Variants in SLC14A2 observed in about 807,000 individuals in gnomAD.
SLC14A2 encodes solute carrier family 14 member 2.
A neutral mutation model predicts 104.6 loss-of-function variants in SLC14A2; 91 were observed. The observed-to-expected ratio is 0.87, with a 90% CI of 0.73 to 1.04. The LOEUF (loss-of-function observed/expected upper bound fraction) is 1.04. Ranked by LOEUF, SLC14A2 falls within the 50% of genes least tolerant of loss-of-function variation. The probability of loss-of-function intolerance (pLI) is 0.00; values close to 1 mark genes in which losing one functional copy is unlikely to be tolerated. For synonymous variants in SLC14A2, 476 were observed against 466.4 expected, an observed-to-expected ratio of 1.02 and a Z score of -0.27; for missense variants, 1,189 against 1,156.0, an observed-to-expected ratio of 1.03 and a Z score of -0.41.
chr18:45,496,366 G>A (rs1167687325), intron 2 of SLC14A2, among the ~76,000 whole-genome samples: 1 of 152,220 alleles, frequency 6.6e-6, no homozygotes, highest in Non-Finnish European at 1.5e-5. Context: ...TGTTGCCAGA[G>A]GAGATTGACA....
chr18:45,256,070 A>G (rs1334547769), intron 1 of SLC14A2, among the ~76,000 whole-genome samples: 1 of 152,188 alleles, frequency 6.6e-6, no homozygotes, highest in African/African-American at 2.4e-5. Flanking sequence ...TATGGGACTC[A>G]GCGTTCTGGA....
At chr18:45,598,208 G>A (rs1326185863) in intron 2 of SLC14A2, among the ~76,000 whole-genome samples, 1 of 152,160 alleles carries the variant, frequency 6.6e-6, no homozygotes, top group Non-Finnish European at 1.5e-5. Flanking sequence ...GCGTGTCTGT[G>A]CCCACGTAGG....
chr18:45,175,569 T>C, the SLC14A2 span, among the ~76,000 whole-genome samples: 1 of 152,132 alleles, frequency 6.6e-6, no homozygotes, highest in South Asian at 2.1e-4. Context: ...TGGATCATGT[T>C]CCATGGAAAA....
intron 1 of SLC14A2, among the ~76,000 whole-genome samples, chr18:45,328,773 A>G (rs754618767): frequency 3.9e-5 from 6 of 152,212 alleles, no homozygotes; most frequent in Non-Finnish European, 7.3e-5. Flanking sequence ...GGTTTTTATG[A>G]AAAGCAAAGG....
chr18:45,571,867 ATAGGG>A (rs1418208436), intron 2 of SLC14A2, among the ~76,000 whole-genome samples: 1 of 152,168 alleles, frequency 6.6e-6, no homozygotes, highest in Non-Finnish European at 1.5e-5. Context: ...GGGTTGATTG[ATAGGG>A]TTGGTTGAAC....
At chr18:45,427,124 C>T (rs1240446764) in intron 1 of SLC14A2, among the ~76,000 whole-genome samples, 1 of 152,188 alleles carries the variant, frequency 6.6e-6, no homozygotes, top group Non-Finnish European at 1.5e-5. Context: ...ATGGACACCT[C>T]ACCCCCTTTC....
At chr18:45,263,943 T>G (rs1489721178) in intron 1 of SLC14A2, among the ~76,000 whole-genome samples, 1 of 152,196 alleles carries the variant, frequency 6.6e-6, no homozygotes, top group Non-Finnish European at 1.5e-5. Context: ...GATCTGGGCA[T>G]TAGGTATACC....
chr18:45,278,114 T>G (rs1176237954), intron 1 of SLC14A2, among the ~76,000 whole-genome samples: 1 of 152,198 alleles, frequency 6.6e-6, no homozygotes, highest in Non-Finnish European at 1.5e-5. Context: ...CATATGGTAT[T>G]GACAAAGAGC....
At position 45,317,701 on chromosome 18, in the gene SLC14A2, T is replaced by C. The variant is rs147188055; in HGVS notation, c.-125+104510T>C. Among the ~76,000 whole-genome samples the C allele has an allele frequency of 4.5e-3, 689 of 152,318 alleles. 6 individuals carry two copies. Among genetic ancestry groups the C allele is most frequent in the African/African-American group, 0.016 (671 of 41,576 alleles). ...CCTCTAGCCCAGGCAGCCAGCTGTG[T>C]TCCCCAGCTTTTGCCATCCTTTTTG... On this transcript the variant is annotated intron_variant, in intron 1 of 20. Transcript: ENST00000586448.
intron 2 of SLC14A2, among the ~76,000 whole-genome samples, chr18:45,486,195 G>A (rs2087602159): frequency 6.6e-6 from 1 of 152,134 alleles, no homozygotes; most frequent in Non-Finnish European, 1.5e-5. Flanking sequence ...AATGGCAACT[G>A]TATTAGATAC....
chr18:45,498,927 AC>A (rs1306375376), intron 2 of SLC14A2, among the ~76,000 whole-genome samples: 1 of 152,196 alleles, frequency 6.6e-6, no homozygotes, highest in Non-Finnish European at 1.5e-5. Context: ...AACTTCTCTA[AC>A]TGCTGAATGT....
chr18:45,506,351 A>G (rs987378134), intron 2 of SLC14A2, among the ~76,000 whole-genome samples: 1 of 152,202 alleles, frequency 6.6e-6, no homozygotes, highest in Non-Finnish European at 1.5e-5. Context: ...CAGAGCCACT[A>G]TCTGTCAGTA....
In SLC14A2 at chr18:45,307,650, C is replaced by T. The variant is rs551560021; in HGVS notation, c.-125+94459C>T. Reference sequence around the variant, plus strand: ...TATCCTTCCACAGCCAGGCCTCTCCCTTCATACTCTTCTACTTTCTGTAAA... The same window carrying T: ...TATCCTTCCACAGCCAGGCCTCTCCTTTCATACTCTTCTACTTTCTGTAAA... On this transcript the variant is annotated intron_variant, in intron 1 of 20. Transcript: ENST00000586448. Among the ~76,000 whole-genome samples the T allele has an allele frequency of 1.8e-4, 27 of 152,222 alleles. No homozygotes were observed. In the East Asian group the frequency reaches 4.8e-3, roughly 27 times the overall value.
At chr18:45,290,331 A>T (rs915812525) in intron 1 of SLC14A2, among the ~76,000 whole-genome samples, 2 of 151,980 alleles carry the variant, frequency 1.3e-5, no homozygotes, top group African/African-American at 4.8e-5. Flanking sequence ...TCATTGCAAA[A>T]TTTTTTGTGC....
At chr18:45,538,850 C>CTTTTTTTTTTTT in intron 2 of SLC14A2, among the ~76,000 whole-genome samples, 2 of 105,272 alleles carry the variant, frequency 1.9e-5, no homozygotes, top group Admixed American at 1.0e-4. Context: ...TCCCCCTTCC[C>CTTTTTTTTTTTT]TTTTTTTTTT....
chr18:45,310,024 T>C (rs1441088667), intron 1 of SLC14A2, among the ~76,000 whole-genome samples: 1 of 152,126 alleles, frequency 6.6e-6, no homozygotes, highest in African/African-American at 2.4e-5. Flanking sequence ...GATTCATCCA[T>C]ATCGATGCGT....
chr18:45,426,062 A>C lies in SLC14A2; in HGVS notation c.-124-57171A>C, dbSNP rs550823804. 2.8e-3 allele frequency among the ~76,000 whole-genome samples: 432 copies of C among 152,222 alleles called. 2 individuals are homozygous for C. Among genetic ancestry groups the C allele is most frequent in the African/African-American group, 9.9e-3 (411 of 41,556 alleles). Reference sequence around the variant, plus strand: ...GTCCCTGGGAGCAAAGGGGAAGTCTATGTTCTGAAAAGTGAGCCAACCCAA... The same window carrying C: ...GTCCCTGGGAGCAAAGGGGAAGTCTCTGTTCTGAAAAGTGAGCCAACCCAA... On this transcript the variant is annotated intron_variant, in intron 1 of 20. Coordinates refer to the SLC14A2 transcript ENST00000586448.
the SLC14A2 span, among the ~76,000 whole-genome samples, chr18:45,180,284 T>C: frequency 6.6e-6 from 1 of 152,214 alleles, no homozygotes; most frequent in Admixed American, 6.5e-5. Context: ...CCTCTGTTCA[T>C]CTGTAAAATG....
At chr18:45,578,785 A>G (rs2044449859) in intron 2 of SLC14A2, among the ~76,000 whole-genome samples, 1 of 152,220 alleles carries the variant, frequency 6.6e-6, no homozygotes. Context: ...TCTCTCACAG[A>G]GTGTATCAGT....
Sources: gnomAD v4.1 joint callset for allele counts (sites outside exome capture counted in the v4.1 genomes callset) on GRCh38, gnomAD v4.1.1 for gene constraint, MANE v1.5 for transcripts, NCBI Gene and HGNC (gene_info 2026-07-23, HGNC 2026-07-21) for gene names.